The following CNTNAP2 variants were observed in gnomAD, a reference collection of about 807,000 sequenced individuals.
The protein encoded by CNTNAP2 is contactin-associated protein-like 2.
A neutral mutation model predicts 155.2 loss-of-function variants in CNTNAP2; 98 were observed. That is an observed-to-expected ratio of 0.63 (90% CI 0.54 to 0.75). The LOEUF is 0.75. Among genes scored for constraint, CNTNAP2 ranks in the 30% least tolerant of loss-of-function variants. The pLI, the probability that CNTNAP2 is intolerant of heterozygous loss-of-function variation, is 0.00. For missense variants in CNTNAP2, 1,727 were observed against 1,688.1 expected, an observed-to-expected ratio of 1.02 and a Z score of -0.40; for synonymous variants, 651 against 631.2, an observed-to-expected ratio of 1.03 and a Z score of -0.47.
At chr7:147,976,835 A>T (rs1328710928) in intron 14 of CNTNAP2, among the ~76,000 whole-genome samples, 1 of 129,452 alleles carries the variant, frequency 7.7e-6, no homozygotes, top group Non-Finnish European at 1.6e-5. Context: ...TTCTCCTGTC[A>T]TCCAAAAATC....
At chr7:148,138,253 C>T (rs963508490) in intron 16 of CNTNAP2, among the ~76,000 whole-genome samples, 2 of 152,172 alleles carry the variant, frequency 1.3e-5, no homozygotes, top group African/African-American at 4.8e-5. Context: ...GATAGCCATG[C>T]ATAGCACAGT....
intron 3 of CNTNAP2, among the ~76,000 whole-genome samples, chr7:146,863,454 CATT>C (rs1795144131): frequency 6.6e-6 from 1 of 152,002 alleles, no homozygotes; most frequent in Non-Finnish European, 1.5e-5. Context: ...TTAATTATAA[CATT>C]AGTCAAATGT....
chr7:146,132,751 T>G (rs1182631454), intron 1 of CNTNAP2, among the ~76,000 whole-genome samples: 1 of 151,722 alleles, frequency 6.6e-6, no homozygotes, highest in Non-Finnish European at 1.5e-5. Context: ...CTCATCATTT[T>G]TTATGGCTGC....
At chr7:146,937,822 C>T (rs1333793553) in intron 3 of CNTNAP2, among the ~76,000 whole-genome samples, 1 of 152,128 alleles carries the variant, frequency 6.6e-6, no homozygotes, top group Non-Finnish European at 1.5e-5. Flanking sequence ...GACAGCCACT[C>T]AGGAAGCACA....
chr7:147,757,321 C>CT (rs995418469), intron 13 of CNTNAP2, among the ~76,000 whole-genome samples: 5 of 152,124 alleles, frequency 3.3e-5, no homozygotes, highest in Non-Finnish European at 7.3e-5. Flanking sequence ...TTAAAGAACG[C>CT]TTTTTTCTGA....
intron 1 of CNTNAP2, among the ~76,000 whole-genome samples, chr7:146,592,399 T>A (rs1798796534): frequency 6.6e-6 from 1 of 152,202 alleles, no homozygotes; most frequent in African/African-American, 2.4e-5. Flanking sequence ...GGTCCCAAAG[T>A]TACTACACAC....
At chr7:146,198,940 A>G (rs1375158695) in intron 1 of CNTNAP2, among the ~76,000 whole-genome samples, 1 of 152,184 alleles carries the variant, frequency 6.6e-6, no homozygotes, top group Non-Finnish European at 1.5e-5. Flanking sequence ...TTAATATATC[A>G]ACATATACTA....
intron 1 of CNTNAP2, among the ~76,000 whole-genome samples, chr7:146,709,732 C>T (rs1801030759): frequency 6.6e-6 from 1 of 152,072 alleles, no homozygotes; most frequent in Non-Finnish European, 1.5e-5. Context: ...ATACAGCAGG[C>T]TGAGGAGGGC....
intron 1 of CNTNAP2, among the ~76,000 whole-genome samples, chr7:146,213,801 T>G (rs143540029): frequency 6.6e-6 from 1 of 152,316 alleles, no homozygotes; most frequent in South Asian, 2.1e-4. Flanking sequence ...TCAACCAATG[T>G]CTGAATAAAC....
chr7:146,169,960 A>G (rs1017974827), intron 1 of CNTNAP2, among the ~76,000 whole-genome samples: 1 of 149,790 alleles, frequency 6.7e-6, no homozygotes, highest in South Asian at 2.1e-4. Context: ...TATTGATTTC[A>G]TTTGCCTTGG....
At chr7:147,167,535 G>T in intron 8 of CNTNAP2, 2 of 815,204 alleles carry the variant, frequency 2.5e-6, no homozygotes, top group Admixed American at 2.1e-5. Context: ...TGACTTAGAG[G>T]TTCTTCAGAC....
rs75123629 is a variant in CNTNAP2 at position 147,457,852 on chromosome 7, A to T, written c.1671-28083A>T. Reference sequence around the variant, plus strand: ...TTTTCAATGAATCAACAAAAAAAAAATCTGATCTTTCTTGAATTCTTGAAG... The same window carrying T: ...TTTTCAATGAATCAACAAAAAAAAATTCTGATCTTTCTTGAATTCTTGAAG... On this transcript the variant is annotated intron_variant, in intron 10 of 23. Coordinates refer to ENST00000361727, the MANE Select transcript of CNTNAP2 (RefSeq NM_014141.6). Among the ~76,000 whole-genome samples the T allele has an allele frequency of 1.5e-4, 22 of 149,618 alleles. No homozygotes were observed. In the South Asian group the frequency reaches 3.2e-3, roughly 22 times the overall value.
At chr7:146,132,253 G>A (rs907394691) in intron 1 of CNTNAP2, among the ~76,000 whole-genome samples, 46 of 152,080 alleles carry the variant, frequency 3.0e-4, no homozygotes, top group Non-Finnish European at 2.5e-4. Flanking sequence ...AATAGCACTG[G>A]CCATTGTCAG....
At chr7:146,132,288 A>G (rs1004515369) in intron 1 of CNTNAP2, among the ~76,000 whole-genome samples, 24 of 152,202 alleles carry the variant, frequency 1.6e-4, no homozygotes, top group Admixed American at 2.0e-4. Context: ...AGGTTGGTGT[A>G]TAAAGAGTAC....
At chr7:147,377,980 T>C (rs1399005100) in intron 9 of CNTNAP2, 1 of 466,232 alleles carries the variant, frequency 2.1e-6, no homozygotes, top group South Asian at 1.6e-5. Context: ...TGTTACGTAT[T>C]TTAATTGATT....
At chr7:147,909,585 TGATTTACTATTCACA>T (rs963561139) in intron 14 of CNTNAP2, among the ~76,000 whole-genome samples, 1 of 152,216 alleles carries the variant, frequency 6.6e-6, no homozygotes, top group African/African-American at 2.4e-5. Flanking sequence ...TTAACATTTA[TGATTTACTATTCACA>T]GCAATAGTAA....
intron 3 of CNTNAP2, among the ~76,000 whole-genome samples, chr7:146,925,375 G>A (rs554905230): frequency 1.4e-3 from 220 of 152,070 alleles, no homozygotes; most frequent in African/African-American, 4.8e-3. Flanking sequence ...TTATTATTAA[G>A]AAGAGCAAGG....
chr7:147,649,121 T>TCGAGTTG (rs1390560218), intron 13 of CNTNAP2, among the ~76,000 whole-genome samples: 6 of 152,208 alleles, frequency 3.9e-5, no homozygotes, highest in Non-Finnish European at 7.3e-5. Context: ...TAAGGGTAGC[T>TCGAGTTG]CGAGTTGTAC....
chr7:147,623,218 C>A (rs1280614931), intron 12 of CNTNAP2, among the ~76,000 whole-genome samples: 3 of 152,044 alleles, frequency 2.0e-5, no homozygotes, highest in South Asian at 2.1e-4. Flanking sequence ...CTACTTTCAC[C>A]ACTGTTATTC....
Sources: allele counts gnomAD v4.1 joint callset (sites outside exome capture counted in the v4.1 genomes callset), GRCh38; gene constraint gnomAD v4.1.1; transcripts MANE v1.5; gene names NCBI Gene and HGNC (gene_info 2026-07-23, HGNC 2026-07-21).